Variants in DNAAF5 observed in about 807,000 individuals in gnomAD.
DNAAF5 encodes the protein HEAT repeat containing 2.
DNAAF5 carries 64 observed loss-of-function variants against 75.8 expected under a neutral mutation model. The ratio of observed to expected loss-of-function variants is 0.84; its 90% confidence interval spans 0.69 to 1.04. The LOEUF (loss-of-function observed/expected upper bound fraction) is 1.04. DNAAF5 is among the 50% of genes least tolerant of loss of function. The pLI, the probability that DNAAF5 is intolerant of heterozygous loss-of-function variation, is 0.00. For synonymous variants in DNAAF5, 657 were observed against 557.2 expected (o/e 1.18, Z -2.52); for missense variants, 1,269 against 1,178.5 (o/e 1.08, Z -1.12).
intron 6 of DNAAF5, among the ~76,000 whole-genome samples, chr7:758,738 A>C (rs769775304): frequency 5.9e-5 from 9 of 152,226 alleles, no homozygotes; most frequent in Non-Finnish European, 1.0e-4. Context: ...GCTAGAATGC[A>C]GTGGCGCAAT....
intron 2 of DNAAF5, 75 bp from the exon 3 acceptor site, chr7:740,744 C>T (rs948893887): frequency 1.3e-6 from 2 of 1,581,570 alleles, no homozygotes; most frequent in Non-Finnish European, 1.7e-6. Context: ...TGGCAGCACT[C>T]AGAGCCGCAC....
At position 750,679 on chromosome 7, in the gene DNAAF5, C is replaced by T. The variant is rs193172185; in HGVS notation, c.1025-3910C>T. Among the ~76,000 whole-genome samples the T allele has an allele frequency of 3.8e-3, 572 of 152,264 alleles. 2 individuals carry two copies. Among genetic ancestry groups the T allele is most frequent in the Non-Finnish European group, 6.6e-3 (448 of 68,016 alleles). On this transcript the variant is annotated intron_variant, in intron 4 of 12. Coordinates refer to ENST00000297440, the MANE Select transcript of DNAAF5 (RefSeq NM_017802.4). ...CATCTGCTCACCTCCTGCTGTGGGG[C>T]CCAGTTCCTAACAGGCCTTAAACCA...
chr7:727,331 C>T lies in DNAAF5; in HGVS notation c.595+16C>T. The T allele has an allele frequency of 2.4e-6, 3 of 1,244,924 alleles. No individual in the cohort carries two copies. Among genetic ancestry groups the T allele is most frequent in the Non-Finnish European group, 3.0e-6 (3 of 987,790 alleles). The allele number at this position is 1,244,924 out of a possible 1,614,324, so 77.1% of individuals were successfully genotyped here. On this transcript the variant is annotated intron_variant, in intron 1 of 12. Transcript: ENST00000297440. ...GCCACGCCCGGTGAGCACCCCGGGC[C>T]CCGCTCCCACACGCCACCCCACACT... is the stretch of plus-strand genomic sequence containing the variant.
chr7:742,203 A>G (rs554044706), intron 4 of DNAAF5, among the ~76,000 whole-genome samples: 35 of 152,300 alleles, frequency 2.3e-4, no homozygotes, highest in African/African-American at 7.7e-4. Flanking sequence ...AAGTGCTTTC[A>G]TCACTTGAGT....
At chr7:775,212 G>A (rs1175315131) in intron 11 of DNAAF5, 50 bp downstream of exon 11, 6 of 1,563,670 alleles carry the variant, frequency 3.8e-6, no homozygotes, top group Non-Finnish European at 5.3e-6. Context: ...TCAGCCCTCC[G>A]TGTCCCTGGG....
intron 11 of DNAAF5, among the ~76,000 whole-genome samples, chr7:777,259 T>C (rs1450763157): frequency 6.6e-6 from 1 of 152,110 alleles, no homozygotes; most frequent in East Asian, 1.9e-4. Context: ...AACCAGCCCC[T>C]GGTGCCAAAA....
chr7:771,402 C>A (rs954429508), intron 9 of DNAAF5: 1 of 152,314 alleles, frequency 6.6e-6, no homozygotes, highest in East Asian at 1.9e-4. Context: ...TGGGTCCTAC[C>A]CCCGCCTGTG....
intron 6 of DNAAF5, among the ~76,000 whole-genome samples, chr7:760,509 G>T (rs748870079): frequency 6.6e-6 from 1 of 152,180 alleles, no homozygotes; most frequent in Non-Finnish European, 1.5e-5. Flanking sequence ...TACAGGCCAG[G>T]CGTGGTGGTT....
At chr7:780,969 G>A (rs1373801804) in intron 12 of DNAAF5, among the ~76,000 whole-genome samples, 1 of 151,978 alleles carries the variant, frequency 6.6e-6, no homozygotes, top group South Asian at 2.1e-4. Flanking sequence ...GGCATGCAGT[G>A]TGTGTAAATC....
chr7:761,727 C>A, intron 6 of DNAAF5, 26 bp from the exon 7 acceptor site: 1 of 1,580,860 alleles, frequency 6.3e-7, no homozygotes. Flanking sequence ...GTACCAAGCT[C>A]TGACGGTGCT....
At chr7:778,714 C>T (rs1009893288) in intron 11 of DNAAF5, 2 of 152,616 alleles carry the variant, frequency 1.3e-5, no homozygotes, top group East Asian at 3.9e-4. Flanking sequence ...TCCGTCCTTC[C>T]TCCTGAGACA....
In DNAAF5 at chr7:726,936, C is replaced by T. The variant is rs989746256; in HGVS notation, c.216C>T (p.Pro72=). ...CCGACCCCACCGCTTTCCAGGGCCC[C>T]TGGGCGCGCCTACTGCTGCCGCGCT... The part of the protein sequence containing the change: ...PAADPTAFQG[P]WARLLLPRLL... Residue 72 remains proline (P), a synonymous_variant, in exon 1 of 13, where the codon CCC becomes CCT. Coordinates refer to ENST00000297440, the MANE Select transcript of DNAAF5 (RefSeq NM_017802.4). The T allele has an allele frequency of 1.1e-5, 15 of 1,341,068 alleles. No individual in the cohort carries two copies. The African/African-American group carries it at 1.5e-4, about 14-fold the overall frequency. 83.1% of individuals were successfully genotyped at this position (1,341,068 alleles called of 1,614,324 possible). A position where few individuals can be genotyped will look rare whatever the true frequency, so the allele number is the denominator to read the frequency against.
intron 7 of DNAAF5, among the ~76,000 whole-genome samples, chr7:762,116 T>C (rs187711997): frequency 1.3e-5 from 2 of 152,274 alleles, no homozygotes; most frequent in Admixed American, 6.5e-5. Flanking sequence ...AGCTGTTTAA[T>C]GTTAGGGTCT....
At chr7:741,550 G>C in intron 4 of DNAAF5, 85 bp downstream of exon 4, 1 of 854,922 alleles carries the variant, frequency 1.2e-6, no homozygotes, top group Non-Finnish European at 1.9e-6. Flanking sequence ...GGAAGCTTCA[G>C]CTCTTGCAGT....
At chr7:771,862 A>G (rs1562397597) in intron 9 of DNAAF5, 1 of 152,242 alleles carries the variant, frequency 6.6e-6, no homozygotes, top group Non-Finnish European at 1.5e-5. Context: ...TGCGCCTAAC[A>G]ACGTCTTGTG....
chr7:752,746 C>T (rs987658818), intron 4 of DNAAF5, among the ~76,000 whole-genome samples: 10 of 152,356 alleles, frequency 6.6e-5, no homozygotes, highest in African/African-American at 2.4e-4. Flanking sequence ...AAAATGAACA[C>T]TTCTGCTTTT....
At chr7:740,198 C>A (rs1781861176) in intron 2 of DNAAF5, among the ~76,000 whole-genome samples, 1 of 152,206 alleles carries the variant, frequency 6.6e-6, no homozygotes, top group Non-Finnish European at 1.5e-5. Flanking sequence ...CAGGCATTGC[C>A]CTTTGGGAGC....
chr7:744,160 A>T (rs190565484), intron 4 of DNAAF5, among the ~76,000 whole-genome samples: 1 of 152,000 alleles, frequency 6.6e-6, no homozygotes, highest in Non-Finnish European at 1.5e-5. Context: ...TCATTGTTCA[A>T]TTCCCACCTA....
chr7:732,598 T>C, intron 2 of DNAAF5: 1 of 456,120 alleles, frequency 2.2e-6, no homozygotes, highest in Non-Finnish European at 4.4e-6. Flanking sequence ...TGAGTGTTTG[T>C]CACGTTCCTG....
Sources: gnomAD v4.1 joint callset for allele counts (sites outside exome capture counted in the v4.1 genomes callset) on GRCh38, gnomAD v4.1.1 for gene constraint, MANE v1.5 for transcripts, NCBI Gene and HGNC (gene_info 2026-07-23, HGNC 2026-07-21) for gene names.